ACOT8: variants seen among roughly 807,000 people sequenced by gnomAD.
ACOT8 encodes the protein acyl-CoA thioesterase 8, also known as acyl-coenzyme A thioesterase 8.
ACOT8 carries 31 observed loss-of-function variants against 38.4 expected under a neutral mutation model. The observed-to-expected ratio is 0.81, with a 90% CI of 0.61 to 1.09. The LOEUF (loss-of-function observed/expected upper bound fraction) is 1.09. Among genes scored for constraint, ACOT8 ranks in the 50% least tolerant of loss-of-function variants. ACOT8 has a pLI of 0.00. For missense variants in ACOT8, 373 were observed against 421.8 expected (o/e 0.88, Z 1.01); for synonymous variants, 158 against 170.3 (o/e 0.93, Z 0.56).
At position 45,857,259 on chromosome 20, in the gene ACOT8, G is replaced by A. The variant is rs560380767; in HGVS notation, c.57C>T (p.Pro19=). The change falls in exon 1 of 6, where the codon CCC becomes CCT. Residue 19 remains proline (P), a synonymous_variant. Transcript: ENST00000217455. ...DGQGCGDRGD[P]PGDLRSVLVT... The stretch of plus-strand genomic sequence containing the variant: ...CCAAGACGCTACGGAGGTCCCCAGG[G>A]GGATCGCCGCGGTCGCCACAGCCCT... 1 of 1,613,556 alleles carries A rather than the reference G, an allele frequency of 6.2e-7. No individual in the cohort carries two copies. The highest frequency in any genetic ancestry group is 2.2e-5 in the East Asian group (1 of 44,884).
At position 45,842,429 on chromosome 20, in the gene ACOT8, C is replaced by T. The variant is rs1269401629; in HGVS notation, c.842-473G>A. 18 of 1,125,732 alleles carry T rather than the reference C, an allele frequency of 1.6e-5. No individual in the cohort carries two copies. In the East Asian group the frequency reaches 3.4e-4, roughly 21 times the overall value. The allele number at this position is 1,125,732 out of a possible 1,614,324, so 69.7% of individuals were successfully genotyped here. A position where few individuals can be genotyped will look rare whatever the true frequency, so the allele number is the denominator to read the frequency against. On this transcript the variant is annotated intron_variant, in intron 5 of 5. Transcript: ENST00000217455. ...TGACCACTTGTGTTAGGAAAACTAT[C>T]GGCTCCCTGTATAATAAATCAAGCC...
At chr20:45,842,434 C>T in intron 5 of ACOT8, 2 of 1,117,428 alleles carry the variant, frequency 1.8e-6, no homozygotes, top group Non-Finnish European at 2.2e-6. Context: ...ACTATCGGCT[C>T]CCTGTATAAT....
At position 45,848,473 on chromosome 20, in the gene ACOT8, C is replaced by T. The variant is rs1984832949; in HGVS notation, c.465G>A (p.Glu155=). The T allele has an allele frequency of 6.2e-7, 1 of 1,609,468 alleles. No individual in the cohort carries two copies. Among genetic ancestry groups the T allele is most frequent in the South Asian group, 1.1e-5 (1 of 90,558 alleles). Residue 155 remains glutamate, a synonymous_variant, in exon 3 of 6, where the codon GAG becomes GAA. Coordinates refer to ENST00000217455, the MANE Select transcript of ACOT8 (RefSeq NM_005469.4). ...ACCTTAAATACTGGTCAATGAGGGT[C>T]TCACAGTCAAGCAGCTCTTCTGGTG... ...VPPPEELLDC[E]TLIDQYLRDP...
chr20:45,844,303 C>T lies in ACOT8; in HGVS notation c.606G>A (p.Glu202=), dbSNP rs769451664. 1 of 1,614,204 alleles carries T rather than the reference C, an allele frequency of 6.2e-7. No homozygotes were observed. Among genetic ancestry groups the T allele is most frequent in the East Asian group, 2.2e-5 (1 of 44,886 alleles). ...PSPLSQLQRM[E]PKQMFWVRAR... is the part of the protein sequence containing the mutation. ...CTCGCACCCAGAACATCTGTTTGGG[C>T]TCCATTCTCTGCAGCTGGCTCAGGG... is the stretch of plus-strand genomic sequence containing the variant. The change falls in exon 4 of 6, where the codon GAG becomes GAA. Residue 202 remains glutamate (E), a synonymous_variant. Transcript: ENST00000217455.
intron 3 of ACOT8, among the ~76,000 whole-genome samples, chr20:45,845,855 C>T (rs185230608): frequency 9.0e-4 from 131 of 145,784 alleles, no homozygotes; most frequent in Non-Finnish European, 1.5e-3. Context: ...TTTTTTAAGA[C>T]GGAATCTCGC....
chr20:45,851,891 G>A (rs1985086062), intron 2 of ACOT8, among the ~76,000 whole-genome samples: 1 of 152,004 alleles, frequency 6.6e-6, no homozygotes, highest in South Asian at 2.1e-4. Flanking sequence ...TTCTTTCCTG[G>A]GCTTTTAGAA....
chr20:45,853,694 T>A, intron 2 of ACOT8: 1 of 241,700 alleles, frequency 4.1e-6, no homozygotes, highest in Non-Finnish European at 8.3e-6. Context: ...ACATATTTAC[T>A]CCCAACTAGC....
At chr20:45,843,429 C>G in intron 5 of ACOT8, 98 bp downstream of exon 5, 1 of 1,430,110 alleles carries the variant, frequency 7.0e-7, no homozygotes, top group Non-Finnish European at 9.6e-7. Context: ...GTGACCTGTG[C>G]AGCGCCACAC....
chr20:45,844,950 GTCT>G (rs1568735831), intron 3 of ACOT8, among the ~76,000 whole-genome samples: 1 of 152,150 alleles, frequency 6.6e-6, no homozygotes, highest in Non-Finnish European at 1.5e-5. Context: ...AGACAAGGTC[GTCT>G]TCTCACCCAG....
chr20:45,855,475 G>A (rs1485801155), intron 1 of ACOT8, among the ~76,000 whole-genome samples, 183 bp from the exon 2 acceptor site: 6 of 152,196 alleles, frequency 3.9e-5, no homozygotes, highest in East Asian at 1.9e-4. Context: ...CCTCTGGGCC[G>A]GGCGCAGTGG....
At chr20:45,842,924 G>A (rs1984345990) in intron 5 of ACOT8, 1 of 1,007,332 alleles carries the variant, frequency 9.9e-7, no homozygotes, top group South Asian at 4.1e-5. Flanking sequence ...TTGGAAAGGA[G>A]GTCAGGGTTC....
chr20:45,846,087 G>A (rs1354982033), intron 3 of ACOT8, among the ~76,000 whole-genome samples: 9 of 152,090 alleles, frequency 5.9e-5, no homozygotes, highest in Admixed American at 4.6e-4. Context: ...TGAGCCACCC[G>A]CCTTGGCCTC....
intron 3 of ACOT8, among the ~76,000 whole-genome samples, chr20:45,845,517 A>G (rs1242362619): frequency 2.0e-5 from 3 of 152,110 alleles, no homozygotes; most frequent in African/African-American, 7.2e-5. Flanking sequence ...TTAAACACTC[A>G]AGAAACAGGC....
intron 2 of ACOT8, among the ~76,000 whole-genome samples, chr20:45,852,065 C>T (rs1985098152): frequency 6.6e-6 from 1 of 152,162 alleles, no homozygotes; most frequent in Non-Finnish European, 1.5e-5. Context: ...TTTTAGCTCA[C>T]TGCGACCTCC....
At chr20:45,846,008 GT>G (rs2145763315) in intron 3 of ACOT8, among the ~76,000 whole-genome samples, 1 of 151,684 alleles carries the variant, frequency 6.6e-6, no homozygotes, top group African/African-American at 2.4e-5. Context: ...ATTTTTTTGT[GT>G]GTGTATTTTT....
intron 2 of ACOT8, chr20:45,854,008 A>G (rs891253580): frequency 2.3e-6 from 3 of 1,288,006 alleles, no homozygotes; most frequent in African/African-American, 1.6e-5. Flanking sequence ...GGAAGGAAAG[A>G]AAACAGTGAG....
intron 1 of ACOT8, among the ~76,000 whole-genome samples, chr20:45,856,552 G>C (rs1985451296): frequency 6.6e-6 from 1 of 152,024 alleles, no homozygotes; most frequent in South Asian, 2.1e-4. Context: ...GCTGTGGCGC[G>C]CCTGTATGTC....
intron 5 of ACOT8, 74 bp from the exon 6 acceptor site, chr20:45,842,030 CAG>C (rs777752032): frequency 1.6e-5 from 25 of 1,567,846 alleles, no homozygotes; most frequent in South Asian, 2.3e-5. Flanking sequence ...TTTCCTGAAA[CAG>C]AGTCTCACTA....
intron 5 of ACOT8, chr20:45,842,576 T>A (rs2145755315): frequency 1.0e-6 from 1 of 995,020 alleles, no homozygotes. Flanking sequence ...ATCTGGAGAC[T>A]CTTTCTCCCT....
Sources: allele counts gnomAD v4.1 joint callset (sites outside exome capture counted in the v4.1 genomes callset), GRCh38; gene constraint gnomAD v4.1.1; transcripts MANE v1.5; gene names NCBI Gene and HGNC (gene_info 2026-07-23, HGNC 2026-07-21).